Variants in FUT8 observed in about 807,000 individuals in gnomAD.
FUT8 encodes the protein fucosyltransferase 8.
Under a neutral mutation model 71.3 loss-of-function variants are expected in FUT8, and 29 were observed. The observed-to-expected ratio is 0.41, with a 90% CI of 0.30 to 0.55. The LOEUF (loss-of-function observed/expected upper bound fraction) is 0.55. Ranked by LOEUF, FUT8 falls within the 20% of genes least tolerant of loss-of-function variation. The pLI is 0.34. For synonymous variants in FUT8, 254 were observed against 239.3 expected (o/e 1.06, Z -0.57); for missense variants, 544 against 702.1 (o/e 0.77, Z 2.55).
chr14:65,722,053 A>T, intron 8 of FUT8, 32 bp downstream of exon 8: 1 of 1,610,266 alleles, frequency 6.2e-7, no homozygotes, highest in Middle Eastern at 1.7e-4. Flanking sequence ...TCAAACTGTG[A>T]TATGTAGTAG....
intron 3 of FUT8, among the ~76,000 whole-genome samples, chr14:65,596,121 A>C (rs549279789): frequency 7.9e-5 from 12 of 152,318 alleles, no homozygotes; most frequent in African/African-American, 2.9e-4. Flanking sequence ...AGTAGAATTG[A>C]AGATTAATTT....
chr14:65,391,176 A>AC, the FUT8 span, among the ~76,000 whole-genome samples: 1 of 151,944 alleles, frequency 6.6e-6, no homozygotes, highest in Non-Finnish European at 1.5e-5. Context: ...TTATAATCTA[A>AC]CCCCCCATAT....
At chr14:65,736,430 G>T (rs1032092028) in intron 10 of FUT8, among the ~76,000 whole-genome samples, 5 of 151,510 alleles carry the variant, frequency 3.3e-5, no homozygotes, top group African/African-American at 1.2e-4. Context: ...AGCTCTGCTT[G>T]TGGTTACGGG....
chr14:65,583,618 A>G (rs1262024421), intron 3 of FUT8, among the ~76,000 whole-genome samples: 1 of 150,352 alleles, frequency 6.7e-6, no homozygotes, highest in Non-Finnish European at 1.5e-5. Flanking sequence ...GCGACATTTA[A>G]TTTATTTAGA....
intron 2 of FUT8, among the ~76,000 whole-genome samples, chr14:65,508,490 A>ATTT (rs1882089394): frequency 8.4e-5 from 4 of 47,402 alleles, no homozygotes; most frequent in Non-Finnish European, 1.3e-4. Context: ...GAGTTGTTTG[A>ATTT]GTTTTTTTTT....
intron 2 of FUT8, among the ~76,000 whole-genome samples, chr14:65,539,770 G>T (rs982250883): frequency 6.6e-6 from 1 of 152,136 alleles, no homozygotes; most frequent in Non-Finnish European, 1.5e-5. Flanking sequence ...AGCCAATTAT[G>T]TATAAAATGG....
chr14:65,388,514 C>T, the FUT8 span, among the ~76,000 whole-genome samples: 68,068 of 152,026 alleles, frequency 0.45, 17,816 homozygotes, highest in Non-Finnish European at 0.6. Context: ...GTAATCCTAG[C>T]GCTTTGGCAG....
intron 7 of FUT8, among the ~76,000 whole-genome samples, chr14:65,674,860 C>T (rs1246816906): frequency 1.3e-5 from 2 of 152,204 alleles, no homozygotes; most frequent in Non-Finnish European, 2.9e-5. Context: ...GAAAAGCTAG[C>T]TGTCTCCTCT....
chr14:65,557,814 C>T (rs1189909877), intron 2 of FUT8, among the ~76,000 whole-genome samples: 1 of 152,046 alleles, frequency 6.6e-6, no homozygotes, highest in Non-Finnish European at 1.5e-5. Context: ...TCTCAACAAA[C>T]ACTGCTATAT....
rs1177654244 is a variant in FUT8 at position 65,660,302 on chromosome 14, A to G, written c.598-8941A>G. Among the ~76,000 whole-genome samples, 1 of 152,138 alleles carries G rather than the reference A, an allele frequency of 6.6e-6. No homozygotes were observed. The highest frequency in any genetic ancestry group is 1.5e-5 in the Non-Finnish European group (1 of 67,994). Reference sequence around the variant, plus strand: ...GCCCCACATTTGCTTGTTGCTTTCTATTGGATTTATGGAATTTCCATCTTT... The same window carrying G: ...GCCCCACATTTGCTTGTTGCTTTCTGTTGGATTTATGGAATTTCCATCTTT... On this transcript the variant is annotated intron_variant, in intron 6 of 10. Coordinates refer to ENST00000673929, the MANE Select transcript of FUT8 (RefSeq NM_001371533.1). This position sits in a 1 kb window ranked among gnomAD's most constrained non-coding sequence, Gnocchi z 4.1.
the FUT8 span, among the ~76,000 whole-genome samples, chr14:65,389,174 TA>T: frequency 6.9e-6 from 1 of 144,094 alleles, no homozygotes; most frequent in Non-Finnish European, 1.5e-5. Flanking sequence ...TATATATACA[TA>T]TATATATAAA....
intron 3 of FUT8, among the ~76,000 whole-genome samples, chr14:65,597,525 A>G (rs1337447235): frequency 6.6e-6 from 1 of 152,042 alleles, no homozygotes; most frequent in African/African-American, 2.4e-5. Flanking sequence ...CGGGAGGCTG[A>G]GGCAGGAGAA....
intron 2 of FUT8, among the ~76,000 whole-genome samples, chr14:65,500,065 A>T (rs926233255): frequency 6.6e-6 from 1 of 152,118 alleles, no homozygotes; most frequent in Non-Finnish European, 1.5e-5. Context: ...TGCATATGGG[A>T]TTGTGTAGGG....
intron 6 of FUT8, among the ~76,000 whole-genome samples, chr14:65,647,879 TAAAA>T (rs546087805): frequency 1.4e-5 from 2 of 144,230 alleles, no homozygotes; most frequent in African/African-American, 5.1e-5. Flanking sequence ...CATTAAAGGT[TAAAA>T]AAAAAAAAGA....
intron 2 of FUT8, among the ~76,000 whole-genome samples, chr14:65,513,187 G>A (rs1018774164): frequency 1.3e-5 from 2 of 152,116 alleles, no homozygotes; most frequent in African/African-American, 4.8e-5. Flanking sequence ...CTATTCTATC[G>A]ACAAAAAGCA....
chr14:65,644,784 T>A (rs1268118362), intron 6 of FUT8, among the ~76,000 whole-genome samples: 1 of 152,254 alleles, frequency 6.6e-6, no homozygotes, highest in Non-Finnish European at 1.5e-5. Flanking sequence ...TTGTTTTATG[T>A]GTGTTTCTAT....
intron 6 of FUT8, among the ~76,000 whole-genome samples, chr14:65,656,033 C>CTT (rs1891664574): frequency 6.6e-6 from 1 of 152,110 alleles, no homozygotes. Flanking sequence ...AGACTTTTCT[C>CTT]TAAGATCTGG....
rs1471753655 is a variant in FUT8 at position 65,603,378 on chromosome 14, G to A, written c.204-12600G>A. Among the ~76,000 whole-genome samples the A allele has an allele frequency of 6.6e-6, 1 of 151,522 alleles. No individual in the cohort carries two copies. The highest frequency in any genetic ancestry group is 1.5e-5 in the Non-Finnish European group (1 of 67,834). Reference sequence around the variant, plus strand: ...CTACCACACTGTTTCGGTGACTTACGGCCGTATAGTATGGTTTGAAATCAG... The same window carrying A: ...CTACCACACTGTTTCGGTGACTTACAGCCGTATAGTATGGTTTGAAATCAG... On this transcript the variant is annotated intron_variant, in intron 3 of 10. Transcript: ENST00000673929. This position sits in a 1 kb window ranked among gnomAD's most constrained non-coding sequence, Gnocchi z 4.5.
chr14:65,554,223 C>T (rs1472427203), intron 2 of FUT8, among the ~76,000 whole-genome samples: 2 of 151,670 alleles, frequency 1.3e-5, no homozygotes, highest in African/African-American at 4.8e-5. Context: ...TGATATAGTC[C>T]ATTTAGCATT....
Sources: gnomAD v4.1 joint callset for allele counts (sites outside exome capture counted in the v4.1 genomes callset) on GRCh38, gnomAD v4.1.1 for gene constraint, Gnocchi (gnomAD v3.1) non-coding constraint, MANE v1.5 for transcripts, NCBI Gene and HGNC (gene_info 2026-07-23, HGNC 2026-07-21) for gene names.